IRS1: variants seen among roughly 807,000 people sequenced by gnomAD.
IRS1 encodes insulin receptor substrate 1.
In IRS1, 34 loss-of-function variants were observed where a neutral mutation model predicts 65.6. That is an observed-to-expected ratio of 0.52 (90% CI 0.39 to 0.69). IRS1 has a LOEUF of 0.69. Among genes scored for constraint, IRS1 ranks in the 30% least tolerant of loss-of-function variants. The pLI is 0.00. For missense variants in IRS1, 1,641 were observed against 1,720.2 expected (o/e 0.95, Z 0.81); for synonymous variants, 699 against 683.5 (o/e 1.02, Z -0.35).
In IRS1 at chr2:226,797,985, T is replaced by A; in HGVS notation, c.754A>T (p.Thr252Ser). The change falls in exon 1 of 2, where the codon ACC (threonine) becomes TCC (serine). Residue 252 changes from threonine (T) to serine (S), a missense_variant. Transcript: ENST00000305123. This position sits in a 1 kb window ranked among gnomAD's most constrained non-coding sequence, Gnocchi z 8.1. ...DSVVAQNMHE[T>S]ILEAMRAMSD... ...ATGGCCCGCATGGCCTCCAGGATGG[T>A]CTCGTGCATGTTCTGGGCCACCACA... is the stretch of plus-strand genomic sequence containing the variant. 6.2e-7 allele frequency: 1 copy of A among 1,613,934 alleles called. No individual in the cohort carries two copies. Among genetic ancestry groups the A allele is most frequent in the Non-Finnish European group, 8.5e-7 (1 of 1,179,978 alleles).
rs1939837407 is a variant in IRS1, at chr2:226,799,214, T to C, written c.-476A>G. On this transcript the variant is annotated 5_prime_UTR_variant, in exon 1 of 2. Transcript: ENST00000305123. The surrounding 1 kb of genome is among the most constrained non-coding windows in gnomAD (Gnocchi z 6.1). Reference sequence around the variant, plus strand: ...GATTCCCGAGGCAAATTAAATATCCTTGGGCAGGGGGAGGCGGGTTGCCAA... The same window carrying C: ...GATTCCCGAGGCAAATTAAATATCCCTGGGCAGGGGGAGGCGGGTTGCCAA... 1.6e-5 allele frequency: 18 copies of C among 1,115,960 alleles called. No individual in the cohort carries two copies. Among genetic ancestry groups the C allele is most frequent in the Non-Finnish European group, 1.6e-5 (14 of 897,442 alleles). 69.1% of individuals were successfully genotyped at this position (1,115,960 alleles called of 1,614,324 possible).
rs1309680467 is a variant in IRS1, at chr2:226,797,759, C to A, written c.980G>T (p.Arg327Leu). The change falls in exon 1 of 2, where the codon CGC becomes CTC. Residue 327 changes from arginine to leucine, a missense_variant. Arg to Leu is a moderately radical substitution (Grantham distance 102). Around this residue, in one of 3 missense-constraint regions of IRS1, gnomAD observed 1,324 missense variants for 1,361.0 expected, o/e 0.97. Transcript: ENST00000305123. This position sits in a 1 kb window ranked among gnomAD's most constrained non-coding sequence, Gnocchi z 8.1. Reference sequence around the variant, plus strand: ...GGTGCCTTCGCCGTCACTGGAGGCGCGGACACGGAAGGAGCCTGGCTTCCC... The same window carrying A: ...GGTGCCTTCGCCGTCACTGGAGGCGAGGACACGGAAGGAGCCTGGCTTCCC... ...VGGKPGSFRV[R>L]ASSDGEGTMS... 1 of 1,595,488 alleles carries A rather than the reference C, an allele frequency of 6.3e-7. No individual in the cohort carries two copies. The highest frequency in any genetic ancestry group is 8.5e-7 in the Non-Finnish European group (1 of 1,175,696).
At chr2:226,754,995 C>G (rs1018876935) in intron 1 of IRS1, among the ~76,000 whole-genome samples, 5 of 152,138 alleles carry the variant, frequency 3.3e-5, no homozygotes, top group African/African-American at 1.2e-4. Flanking sequence ...TTTTGACAAA[C>G]ACAAACAGCC....
intron 1 of IRS1, among the ~76,000 whole-genome samples, chr2:226,745,226 G>C (rs1032718633): frequency 5.3e-5 from 8 of 152,184 alleles, no homozygotes; most frequent in Non-Finnish European, 8.8e-5. Context: ...ATATTAATTA[G>C]CTCATGTTAA....
chr2:226,761,891 A>G (rs1198126741), intron 1 of IRS1, among the ~76,000 whole-genome samples: 1 of 152,236 alleles, frequency 6.6e-6, no homozygotes, highest in Non-Finnish European at 1.5e-5. Context: ...ATTATGTTCC[A>G]TCATAAACTA....
rs188792720 is a variant in IRS1 at position 226,740,208 on chromosome 2, C to T, written c.*22-3958G>A. 1.2e-4 allele frequency among the ~76,000 whole-genome samples: 18 copies of T among 152,344 alleles called. No homozygotes were observed. The East Asian group carries it at 2.9e-3, about 24-fold the overall frequency. ...CTTCTGAAGGCAGAAATACAATGCA[C>T]CTGTCACGAGATTTAGTAGCAGGAA... On this transcript the variant is annotated intron_variant, in intron 1 of 1. Coordinates refer to ENST00000305123, the MANE Select transcript of IRS1 (RefSeq NM_005544.3).
At position 226,795,895 on chromosome 2, in the gene IRS1, C is replaced by G. The variant is rs143731262; in HGVS notation, c.2844G>C (p.Pro948=). The G allele has an allele frequency of 1.4e-5, 23 of 1,613,712 alleles. No individual in the cohort carries two copies. Among genetic ancestry groups the G allele is most frequent in the Non-Finnish European group, 1.9e-5 (22 of 1,180,036 alleles). Residue 948 remains proline (P), a synonymous_variant, in exon 1 of 2, where the codon CCG becomes CCC. Coordinates refer to ENST00000305123, the MANE Select transcript of IRS1 (RefSeq NM_005544.3). ...TCTCCTGCCAGGCTGCCCTCCGGCCCGGCCCCAGGTCCATCTTCATGTACT... is the reference window on the plus strand; with the variant it reads ...TCTCCTGCCAGGCTGCCCTCCGGCCGGGCCCCAGGTCCATCTTCATGTACT... ...TEEYMKMDLG[P]GRRAAWQEST...
rs142990903 is a variant in IRS1 at position 226,747,510 on chromosome 2, C to T, written c.*22-11260G>A. 2.0e-5 allele frequency among the ~76,000 whole-genome samples: 3 copies of T among 152,248 alleles called. No homozygotes were observed. The East Asian group carries it at 5.8e-4, about 30-fold the overall frequency. Reference sequence around the variant, plus strand: ...AAACCAGGGTCTGTGGTGCCTTGTTCTTGGACTTACCCGCCTCCAGAACTG... The same window carrying T: ...AAACCAGGGTCTGTGGTGCCTTGTTTTTGGACTTACCCGCCTCCAGAACTG... On this transcript the variant is annotated intron_variant, in intron 1 of 1. Transcript: ENST00000305123.
intron 1 of IRS1, among the ~76,000 whole-genome samples, chr2:226,752,283 G>C (rs989575195): frequency 1.3e-5 from 2 of 152,148 alleles, no homozygotes; most frequent in African/African-American, 4.8e-5. Context: ...AAAAAGAAAG[G>C]ATGGTCTGTG....
At position 226,795,359 on chromosome 2, in the gene IRS1, C is replaced by T; in HGVS notation, c.3380G>A (p.Gly1127Asp). The T allele has an allele frequency of 6.2e-7, 1 of 1,613,164 alleles. No homozygotes were observed. The highest frequency in any genetic ancestry group is 8.5e-7 in the Non-Finnish European group (1 of 1,179,946). Reference sequence around the variant, plus strand: ...GCTGCTGCTGCTGCTACCGCCACCGCCCCCTACTGCTGCCCCCGCTCCAAA... The same window carrying T: ...GCTGCTGCTGCTGCTACCGCCACCGTCCCCTACTGCTGCCCCCGCTCCAAA... ...VPFGAGAAVG[G>D]GGGSSSSSED... The change falls in exon 1 of 2, where the codon GGC (glycine) becomes GAC (aspartate). Residue 1127 changes from glycine (G) to aspartate (D), a missense_variant. By Grantham distance (94) the Gly-to-Asp change is moderately conservative. Around this residue, in one of 3 missense-constraint regions of IRS1, gnomAD observed 1,324 missense variants for 1,361.0 expected, o/e 0.97. Coordinates refer to ENST00000305123, the MANE Select transcript of IRS1 (RefSeq NM_005544.3).
rs1221450575 is a variant in IRS1, at chr2:226,735,452, T to C, written c.*820A>G. 1.3e-5 allele frequency: 2 copies of C among 152,292 alleles called. No individual in the cohort carries two copies. The highest frequency in any genetic ancestry group is 4.8e-5 in the African/African-American group (2 of 41,456). 9.4% of individuals were successfully genotyped at this position (152,292 alleles called of 1,614,324 possible). On this transcript the variant is annotated 3_prime_UTR_variant, in exon 2 of 2. Transcript: ENST00000305123. Reference sequence around the variant, plus strand: ...AAACACCCAGCCAAATATATCCTTCTTCAGTTTAATTAACATGGCCTATTG... The same window carrying C: ...AAACACCCAGCCAAATATATCCTTCCTCAGTTTAATTAACATGGCCTATTG...
At chr2:226,761,777 C>T (rs992078754) in intron 1 of IRS1, among the ~76,000 whole-genome samples, 2 of 152,112 alleles carry the variant, frequency 1.3e-5, no homozygotes, top group Admixed American at 6.5e-5. Context: ...TAATTAGCTA[C>T]AAATTTTCAA....
chr2:226,739,571 G>C (rs1938396104), intron 1 of IRS1, among the ~76,000 whole-genome samples: 1 of 152,158 alleles, frequency 6.6e-6, no homozygotes. Context: ...CTGGGTAATT[G>C]TTCCCAGCGA....
chr2:226,795,863 C>A lies in IRS1; in HGVS notation c.2876G>T (p.Gly959Val). 6.2e-7 allele frequency: 1 copy of A among 1,613,648 alleles called. No individual in the cohort carries two copies. The highest frequency in any genetic ancestry group is 1.1e-5 in the South Asian group (1 of 91,080). Residue 959 changes from glycine to valine, a missense_variant, in exon 1 of 2, where the codon GGG (glycine) becomes GTG (valine). Around this residue, in one of 3 missense-constraint regions of IRS1, gnomAD observed 1,324 missense variants for 1,361.0 expected, o/e 0.97. Coordinates refer to ENST00000305123, the MANE Select transcript of IRS1 (RefSeq NM_005544.3). ...GRRAAWQESTGVEMGRLGPAP... is the reference protein window; with the variant it reads ...GRRAAWQESTVVEMGRLGPAP... ...AGGGCCCAGTCTGCCCATCTCGACC[C>A]CAGTGCTCTCCTGCCAGGCTGCCCT...
chr2:226,737,697 C>A (rs992617071), intron 1 of IRS1, among the ~76,000 whole-genome samples: 3 of 152,242 alleles, frequency 2.0e-5, no homozygotes, highest in African/African-American at 7.2e-5. Context: ...GCTCTAGACA[C>A]ATGGAGGATG....
chr2:226,769,201 G>A (rs796809752), intron 1 of IRS1, among the ~76,000 whole-genome samples: 6 of 152,268 alleles, frequency 3.9e-5, no homozygotes, highest in African/African-American at 1.4e-4. Flanking sequence ...TTAAAGCACG[G>A]AATACATGCC....
intron 1 of IRS1, among the ~76,000 whole-genome samples, chr2:226,751,723 G>T (rs1054033141): frequency 5.9e-5 from 9 of 152,166 alleles, no homozygotes; most frequent in Non-Finnish European, 1.2e-4. Flanking sequence ...ATGAATGCGG[G>T]TGACTCTGAC....
rs1390063552 is a variant in IRS1, at chr2:226,798,464, T to C, written c.275A>G (p.His92Arg). Residue 92 changes from histidine (H) to arginine (R), a missense_variant, in exon 1 of 2, where the codon CAC (histidine) becomes CGC (arginine). Transcript: ENST00000305123. The surrounding 1 kb of genome is among the most constrained non-coding windows in gnomAD (Gnocchi z 9.4). ...CTCGCTGTCCGCCGCGATGGCAAAG[T>C]GCTCGTCCCGGGTGTAGAGAGCCAC... Reference protein sequence around the residue: ...HLVALYTRDEHFAIAADSEAE... With the variant: ...HLVALYTRDERFAIAADSEAE... 1 of 1,614,010 alleles carries C rather than the reference T, an allele frequency of 6.2e-7. No homozygotes were observed. Among genetic ancestry groups the C allele is most frequent in the Non-Finnish European group, 8.5e-7 (1 of 1,180,030 alleles).
At chr2:226,745,386 G>C (rs762341252) in intron 1 of IRS1, among the ~76,000 whole-genome samples, 1 of 152,130 alleles carries the variant, frequency 6.6e-6, no homozygotes, top group Non-Finnish European at 1.5e-5. Flanking sequence ...CCCCAAAAAA[G>C]GTTATTTTCA....
Sources: gnomAD v4.1 joint callset for allele counts (sites outside exome capture counted in the v4.1 genomes callset) on GRCh38, gnomAD v4.1.1 for gene constraint, gnomAD v4.1.1 regional missense constraint, Gnocchi (gnomAD v3.1) non-coding constraint, MANE v1.5 for transcripts, NCBI Gene and HGNC (gene_info 2026-07-23, HGNC 2026-07-21) for gene names.